TMEM245: variants seen among roughly 807,000 people sequenced by gnomAD.
TMEM245 encodes the protein protein CG-2.
Under a neutral mutation model 101.2 loss-of-function variants are expected in TMEM245, and 69 were observed. That is an observed-to-expected ratio of 0.68 (90% CI 0.56 to 0.83). The LOEUF (loss-of-function observed/expected upper bound fraction) is 0.83. Among genes scored for constraint, TMEM245 ranks in the 40% least tolerant of loss-of-function variants. TMEM245 has a pLI of 0.00. For synonymous variants in TMEM245, 537 were observed against 449.8 expected, an observed-to-expected ratio of 1.19 and a Z score of -2.45; for missense variants, 1,075 against 1,092.8, an observed-to-expected ratio of 0.98 and a Z score of 0.23.
intron 17 of TMEM245, among the ~76,000 whole-genome samples, chr9:109,021,087 G>A (rs567448616): frequency 6.6e-6 from 1 of 152,166 alleles, no homozygotes; most frequent in Non-Finnish European, 1.5e-5. Context: ...TGTTATTGGC[G>A]GGTAATATCT....
intron 1 of TMEM245, among the ~76,000 whole-genome samples, chr9:109,113,161 T>C (rs780532632): frequency 3.3e-5 from 5 of 152,248 alleles, no homozygotes; most frequent in Non-Finnish European, 5.9e-5. Flanking sequence ...TTTTTTCAAA[T>C]GTAACAAGCA....
intron 17 of TMEM245, among the ~76,000 whole-genome samples, chr9:109,026,668 G>T (rs561387064): frequency 6.6e-6 from 1 of 151,014 alleles, no homozygotes; most frequent in East Asian, 1.9e-4. Context: ...ACGTGATAGA[G>T]TTTGGCTGTC....
rs765856723 is a variant in TMEM245, at chr9:109,019,453, G to A, written c.*1007C>T. 4 of 152,346 alleles carry A rather than the reference G, an allele frequency of 2.6e-5. No homozygotes were observed. The highest frequency in any genetic ancestry group is 3.4e-3 in the Middle Eastern group (1 of 294). The allele number at this position is 152,346 out of a possible 1,614,324, so 9.4% of individuals were successfully genotyped here. ...TATGTGCAAAAGGACTTTGTAAAAT[G>A]TAAAGCACTATGCTGGTTATTGTGA... On this transcript the variant is annotated 3_prime_UTR_variant, in exon 18 of 18. Coordinates refer to ENST00000374586, the MANE Select transcript of TMEM245 (RefSeq NM_032012.4).
Position 109,083,917 on chromosome 9 carries a change from A to AAAAAAAAAAAAC in TMEM245, c.1344+2079_1344+2080insGTTTTTTTTTTT, listed in dbSNP as rs1564197303. Reference sequence around the variant, plus strand: ...CTAAAAATACAAAAAAAAAAAAAAAAAAAAAAAAAAAACACCAGGCATGGT... The same window carrying AAAAAAAAAAAAC: ...CTAAAAATACAAAAAAAAAAAAAAAAAAAAAAAAAAACAAAAAAAAAAAACACCAGGCATGGT... On this transcript the variant is annotated intron_variant, in intron 7 of 17. Coordinates refer to ENST00000374586, the MANE Select transcript of TMEM245 (RefSeq NM_032012.4). 5.1e-5 allele frequency among the ~76,000 whole-genome samples: 7 copies of AAAAAAAAAAAAC among 136,462 alleles called. No homozygotes were observed. The East Asian group carries it at 1.3e-3, about 26-fold the overall frequency. The allele number at this position is 136,462 out of a possible 152,430, so 89.5% of individuals were successfully genotyped here.
chr9:109,056,685 A>ACAAGTTT (rs1473433336), intron 12 of TMEM245, among the ~76,000 whole-genome samples: 2 of 152,300 alleles, frequency 1.3e-5, no homozygotes, highest in East Asian at 3.9e-4. Context: ...GATGAAAGTC[A>ACAAGTTT]CAAGTTTATG....
At position 109,119,376 on chromosome 9, in the gene TMEM245, TG is replaced by T; in HGVS notation, c.537del (p.Thr180ArgfsTer24). Reference sequence around the variant, plus strand: ...TAGTCCAGCCCGCGGCAGATGAGCGTGGCAGCGTGCACCAGCAGCACCTGCA... The same window carrying T: ...TAGTCCAGCCCGCGGCAGATGAGCGTGCAGCGTGCACCAGCAGCACCTGCA... ...LGVQVLLVHA[A>X]TLICRGLDYF... On this transcript the variant is annotated frameshift_variant, in exon 1 of 18. Coordinates refer to ENST00000374586, the MANE Select transcript of TMEM245 (RefSeq NM_032012.4). LOFTEE classifies it high-confidence loss of function. 6.5e-7 allele frequency: 1 copy of T among 1,529,810 alleles called. No homozygotes were observed. Among genetic ancestry groups the T allele is most frequent in the Non-Finnish European group, 8.8e-7 (1 of 1,142,406 alleles). The allele number at this position is 1,529,810 out of a possible 1,614,324, so 94.8% of individuals were successfully genotyped here. A position where few individuals can be genotyped will look rare whatever the true frequency, so the allele number is the denominator to read the frequency against.
rs748951209 is a variant in TMEM245 at position 109,108,559 on chromosome 9, C to G, written c.591G>C (p.Leu197Phe). The G allele has an allele frequency of 6.2e-7, 1 of 1,601,890 alleles. No homozygotes were observed. The highest frequency in any genetic ancestry group is 1.1e-5 in the South Asian group (1 of 88,094). ...AAACAGTCAACACATAGCCAACCAC[C>G]AACGTCCAGATCTTAAATAAATGAA... ...DYFSSLWIWT[L>F]VVGYVLTVSF... Residue 197 changes from leucine to phenylalanine, a missense_variant, in exon 2 of 18, where the codon TTG becomes TTC. Physicochemically the swap from Leu to Phe is conservative, Grantham distance 22. Around this residue, in one of 2 missense-constraint regions of TMEM245, gnomAD observed 808 missense variants for 741.5 expected, o/e 1.09. Coordinates refer to ENST00000374586, the MANE Select transcript of TMEM245 (RefSeq NM_032012.4).
chr9:109,090,888 G>C, intron 5 of TMEM245, 34 bp downstream of exon 5: 1 of 1,582,440 alleles, frequency 6.3e-7, no homozygotes, highest in African/African-American at 1.4e-5. Flanking sequence ...AATCTTCAAA[G>C]ACAAGACGAG....
At position 109,053,573 on chromosome 9, in the gene TMEM245, T is replaced by C. The variant is rs554807632; in HGVS notation, c.1855-2881A>G. ...CATACAAAAAGCCCAAGAGACTTAC[T>C]GAACCAACTAAGCAATGTGGTCATG... On this transcript the variant is annotated intron_variant, in intron 12 of 17. Transcript: ENST00000374586. Among the ~76,000 whole-genome samples the C allele has an allele frequency of 8.5e-5, 13 of 152,352 alleles. No homozygotes were observed. The South Asian group carries it at 2.5e-3, about 29-fold the overall frequency.
intron 14 of TMEM245, among the ~76,000 whole-genome samples, chr9:109,049,620 A>G (rs1828611884): frequency 6.6e-6 from 1 of 152,148 alleles, no homozygotes; most frequent in Admixed American, 6.5e-5. Flanking sequence ...TAAGGTTAGG[A>G]GTTTGAGACC....
At chr9:109,024,946 C>T (rs1192853937) in intron 17 of TMEM245, among the ~76,000 whole-genome samples, 1 of 152,088 alleles carries the variant, frequency 6.6e-6, no homozygotes, top group Non-Finnish European at 1.5e-5. Context: ...AGAAGCTATA[C>T]TATGAAGAAC....
chr9:109,046,648 T>A (rs1828501269), intron 14 of TMEM245, among the ~76,000 whole-genome samples: 2 of 152,236 alleles, frequency 1.3e-5, no homozygotes, highest in Non-Finnish European at 2.9e-5. Context: ...TATAAATGAA[T>A]GTAATGATTT....
intron 7 of TMEM245, among the ~76,000 whole-genome samples, chr9:109,081,331 C>T (rs1230782887): frequency 6.6e-6 from 1 of 151,992 alleles, no homozygotes; most frequent in East Asian, 1.9e-4. Context: ...CAAATACACA[C>T]GACTTTAGCA....
At chr9:109,081,979 GATT>G (rs1344622922) in intron 7 of TMEM245, among the ~76,000 whole-genome samples, 1 of 152,088 alleles carries the variant, frequency 6.6e-6, no homozygotes, top group African/African-American at 2.4e-5. Flanking sequence ...CATTTAACTA[GATT>G]AATAACTGCT....
intron 17 of TMEM245, among the ~76,000 whole-genome samples, chr9:109,022,678 C>G (rs962619025): frequency 2.6e-5 from 4 of 152,126 alleles, no homozygotes; most frequent in African/African-American, 7.2e-5. Flanking sequence ...CTCTAGATAG[C>G]TATTTTTCAC....
intron 17 of TMEM245, among the ~76,000 whole-genome samples, chr9:109,022,882 C>G (rs576371859): frequency 1.3e-5 from 2 of 152,290 alleles, no homozygotes; most frequent in African/African-American, 4.8e-5. Flanking sequence ...TTTCAAATTT[C>G]TCAGATACCT....
intron 17 of TMEM245, among the ~76,000 whole-genome samples, chr9:109,029,120 T>C (rs1827876153): frequency 6.6e-6 from 1 of 152,046 alleles, no homozygotes; most frequent in Non-Finnish European, 1.5e-5. Flanking sequence ...TGGAAACCTC[T>C]ATAGTAAAGC....
At chr9:109,074,885 C>CA (rs1829451038) in intron 8 of TMEM245, among the ~76,000 whole-genome samples, 1 of 152,080 alleles carries the variant, frequency 6.6e-6, no homozygotes, top group South Asian at 2.1e-4. Context: ...TGATTTCAGA[C>CA]ACAATGAGGG....
intron 3 of TMEM245, among the ~76,000 whole-genome samples, chr9:109,102,808 T>C (rs970601761): frequency 7.9e-5 from 12 of 152,258 alleles, no homozygotes; most frequent in Admixed American, 7.2e-4. Flanking sequence ...TAATCTGCTC[T>C]TGGAGTTTAT....
Sources: gnomAD v4.1 joint callset for allele counts (sites outside exome capture counted in the v4.1 genomes callset) on GRCh38, gnomAD v4.1.1 for gene constraint, gnomAD v4.1.1 regional missense constraint, MANE v1.5 for transcripts, NCBI Gene and HGNC (gene_info 2026-07-23, HGNC 2026-07-21) for gene names.